Variants in ATP11B observed in about 807,000 individuals in gnomAD.
ATP11B encodes the protein ATPase phospholipid transporting 11B (putative), also known as phospholipid-transporting ATPase IF.
In ATP11B, 81 loss-of-function variants were observed where a neutral mutation model predicts 157.8. That is an observed-to-expected ratio of 0.51 (90% CI 0.43 to 0.62). The LOEUF is 0.62. Ranked by LOEUF, ATP11B falls within the 20% of genes least tolerant of loss-of-function variation. The pLI is 0.00. For missense variants in ATP11B, 1,165 were observed against 1,402.2 expected, an observed-to-expected ratio of 0.83 and a Z score of 2.70; for synonymous variants, 451 against 469.4, an observed-to-expected ratio of 0.96 and a Z score of 0.51.
chr3:182,821,103 G>GT lies in ATP11B; in HGVS notation c.144+735dup, dbSNP rs551540724. Among the ~76,000 whole-genome samples, 781 of 151,822 alleles carry GT rather than the reference G, an allele frequency of 5.1e-3. 8 individuals are homozygous for GT. Among genetic ancestry groups the GT allele is most frequent in the African/African-American group, 0.018 (730 of 41,430 alleles). ...TAAATGGCTAGATTGGATTTTTGGG[G>GT]TTTTTTTTGTTTGCTTGTTTTTTTG... On this transcript the variant is annotated intron_variant, in intron 2 of 29. Coordinates refer to ENST00000323116, the MANE Select transcript of ATP11B (RefSeq NM_014616.3).
chr3:182,886,323 A>T (rs534925322), intron 23 of ATP11B, among the ~76,000 whole-genome samples: 2 of 152,290 alleles, frequency 1.3e-5, no homozygotes, highest in Non-Finnish European at 2.9e-5. Context: ...ATCCAAATCA[A>T]GCCAGGCCAG....
At chr3:182,917,439 T>C in intron 29 of ATP11B, 1 of 985,366 alleles carries the variant, frequency 1.0e-6, no homozygotes, top group Non-Finnish European at 1.2e-6. Flanking sequence ...CAAACACCAG[T>C]TAACTTTTCC....
chr3:182,866,298 G>T lies in ATP11B; in HGVS notation c.1474G>T (p.Val492Phe). Residue 492 changes from valine to phenylalanine, a missense_variant, in exon 14 of 30, where the codon GTC (valine) becomes TTC (phenylalanine). Physicochemically the swap from Val to Phe is conservative, Grantham distance 50. Coordinates refer to ENST00000323116, the MANE Select transcript of ATP11B (RefSeq NM_014616.3). ...AGAACATGATCTCTTCTTTAAAGCA[G>T]TCAGTCTCTGTCACACTGTACAGAT... is the stretch of plus-strand genomic sequence containing the variant. Reference protein sequence around the residue: ...IKEHDLFFKAVSLCHTVQISN... With the variant: ...IKEHDLFFKAFSLCHTVQISN... 1 of 1,593,696 alleles carries T rather than the reference G, an allele frequency of 6.3e-7. No individual in the cohort carries two copies.
intron 25 of ATP11B, among the ~76,000 whole-genome samples, chr3:182,893,628 T>C (rs576511884): frequency 1.3e-5 from 2 of 152,328 alleles, no homozygotes; most frequent in South Asian, 4.1e-4. Context: ...ATTTTTGCAA[T>C]TGCAAATTGT....
intron 4 of ATP11B, among the ~76,000 whole-genome samples, chr3:182,835,112 T>C (rs1718445975): frequency 6.6e-6 from 1 of 152,082 alleles, no homozygotes; most frequent in South Asian, 2.1e-4. Flanking sequence ...TTGGTCTTGC[T>C]GTCTCAGGGG....
At chr3:182,914,929 GGA>G (rs368465821) in intron 29 of ATP11B, 2 of 985,202 alleles carry the variant, frequency 2.0e-6, no homozygotes, top group African/African-American at 3.5e-5. Flanking sequence ...AAATGGGCAG[GGA>G]GAGATGTTGG....
intron 28 of ATP11B, among the ~76,000 whole-genome samples, chr3:182,910,157 T>G (rs772365985): frequency 2.6e-4 from 40 of 151,874 alleles, no homozygotes; most frequent in Non-Finnish European, 4.4e-4. Flanking sequence ...AACTATATAT[T>G]CACATATATA....
At position 182,836,358 on chromosome 3, in the gene ATP11B, G is replaced by T. The variant is rs761176675; in HGVS notation, c.440G>T (p.Arg147Leu). 6.2e-6 allele frequency: 10 copies of T among 1,613,660 alleles called. No homozygotes were observed. The highest frequency in any genetic ancestry group is 8.5e-6 in the Non-Finnish European group (10 of 1,179,710). ...SKNIRVGDIV[R>L]IAKDEIFPAD... is the part of the protein sequence containing the mutation. ...TCTTTATAGGTGGGTGATATTGTTCGAATAGCCAAAGATGAAATTTTTCCT... is the reference window on the plus strand; with the variant it reads ...TCTTTATAGGTGGGTGATATTGTTCTAATAGCCAAAGATGAAATTTTTCCT... The change falls in exon 6 of 30, where the codon CGA (arginine) becomes CTA (leucine). Residue 147 changes from arginine to leucine, a missense_variant. Arg to Leu is a moderately radical substitution (Grantham distance 102, BLOSUM62 -2). Coordinates refer to ENST00000323116, the MANE Select transcript of ATP11B (RefSeq NM_014616.3).
intron 2 of ATP11B, among the ~76,000 whole-genome samples, chr3:182,827,471 A>T (rs1717800972): frequency 6.6e-6 from 1 of 152,092 alleles, no homozygotes; most frequent in South Asian, 2.1e-4. Context: ...GAGTATTACA[A>T]ATTAAGATTT....
intron 2 of ATP11B, among the ~76,000 whole-genome samples, chr3:182,822,144 G>C (rs186571382): frequency 1.3e-5 from 2 of 150,844 alleles, no homozygotes; most frequent in Admixed American, 1.3e-4. Context: ...TATACTTTAA[G>C]TTCTAGGGTA....
At chr3:182,814,800 C>G (rs1402875933) in intron 1 of ATP11B, among the ~76,000 whole-genome samples, 2 of 152,102 alleles carry the variant, frequency 1.3e-5, no homozygotes, top group East Asian at 3.9e-4. Flanking sequence ...CGAGCAAGAC[C>G]TGATCTCAAA....
chr3:182,827,609 C>T (rs1182936500), intron 2 of ATP11B, among the ~76,000 whole-genome samples: 2 of 151,532 alleles, frequency 1.3e-5, no homozygotes, highest in Admixed American at 6.6e-5. Context: ...GTTATCGCGG[C>T]GATCACTTAT....
In ATP11B at chr3:182,835,908, T is replaced by G. The variant is rs181511316; in HGVS notation, c.316-127T>G. On this transcript the variant is annotated intron_variant, in intron 4 of 29. Transcript: ENST00000323116. ...TATCAGATACCTATGAGCATGTGCA[T>G]CCAAATAGCCTCATATGATTCTGGA... The G allele has an allele frequency of 4.7e-6, 3 of 631,586 alleles. No homozygotes were observed. The African/African-American group carries it at 5.6e-5, about 12-fold the overall frequency. The allele number at this position is 631,586 out of a possible 1,614,324, so 39.1% of individuals were successfully genotyped here. A position where few individuals can be genotyped will look rare whatever the true frequency, so the allele number is the denominator to read the frequency against.
chr3:182,886,621 G>A (rs577103971), intron 23 of ATP11B, among the ~76,000 whole-genome samples: 1 of 152,182 alleles, frequency 6.6e-6, no homozygotes, highest in South Asian at 2.1e-4. Flanking sequence ...TTCTAGAAAA[G>A]AAAAATGAAA....
intron 12 of ATP11B, among the ~76,000 whole-genome samples, chr3:182,860,066 A>G (rs1003739408): frequency 1.1e-4 from 17 of 151,276 alleles, no homozygotes; most frequent in African/African-American, 4.9e-5. Context: ...TCACTTTACC[A>G]TCACCCTGGA....
At chr3:182,917,678 T>G in intron 29 of ATP11B, 2 of 985,380 alleles carry the variant, frequency 2.0e-6, no homozygotes, top group Non-Finnish European at 2.4e-6. Flanking sequence ...ACTGAACTTT[T>G]CAGTAAAACA....
At chr3:182,839,056 A>G (rs79595997) in intron 7 of ATP11B, among the ~76,000 whole-genome samples, 15,701 of 152,174 alleles carry the variant, frequency 0.1, 832 homozygotes, top group African/African-American at 0.12. Context: ...GGCAGATTGG[A>G]TAAAGAAAAT....
chr3:182,850,190 A>G (rs1408520663), intron 10 of ATP11B, among the ~76,000 whole-genome samples: 2 of 152,090 alleles, frequency 1.3e-5, no homozygotes, highest in Non-Finnish European at 2.9e-5. Flanking sequence ...AATCAACTCA[A>G]CGCTGAGCAC....
chr3:182,796,472 G>T (rs1247742179), intron 1 of ATP11B, among the ~76,000 whole-genome samples: 1 of 152,110 alleles, frequency 6.6e-6, no homozygotes, highest in Non-Finnish European at 1.5e-5. Flanking sequence ...CCATATGTGG[G>T]TATTAAAATT....
Sources: gnomAD v4.1 joint callset for allele counts (sites outside exome capture counted in the v4.1 genomes callset) on GRCh38, gnomAD v4.1.1 for gene constraint, MANE v1.5 for transcripts, NCBI Gene and HGNC (gene_info 2026-07-23, HGNC 2026-07-21) for gene names.